The following TCTA variants were observed in gnomAD, a reference collection of about 807,000 sequenced individuals.
The protein encoded by TCTA is T cell leukemia translocation altered.
A neutral mutation model predicts 13.5 loss-of-function variants in TCTA; 13 were observed. That is an observed-to-expected ratio of 0.96 (90% CI 0.63 to 1.53). TCTA has a LOEUF of 1.53. TCTA is among the 40% of genes most tolerant of loss of function. The probability of loss-of-function intolerance (pLI) is 0.00; values close to 1 mark genes in which losing one functional copy is unlikely to be tolerated. For synonymous variants in TCTA, 58 were observed against 59.0 expected, an observed-to-expected ratio of 0.98 and a Z score of 0.08; for missense variants, 138 against 131.3, an observed-to-expected ratio of 1.05 and a Z score of -0.25.
Position 49,416,395 on chromosome 3 carries a change from C to CT in TCTA, c.*1534dup, listed in dbSNP as rs1426596934. On this transcript the variant is annotated 3_prime_UTR_variant, in exon 3 of 3. Transcript: ENST00000273590. ...TTATTCACAGCCCCTGGCCCACCCA[C>CT]TAATACTACTGCACAGAGTCAGGAT... is the stretch of plus-strand genomic sequence containing the variant. 1 of 238,586 alleles carries CT rather than the reference C, an allele frequency of 4.2e-6. No homozygotes were observed. Among genetic ancestry groups the CT allele is most frequent in the African/African-American group, 2.2e-5 (1 of 44,884 alleles). 14.8% of individuals were successfully genotyped at this position (238,586 alleles called of 1,614,324 possible).
At chr3:49,413,153 C>G (rs1393573742) in intron 2 of TCTA, 43 bp downstream of exon 2, 1 of 1,608,096 alleles carries the variant, frequency 6.2e-7, no homozygotes, top group African/African-American at 1.3e-5. Context: ...CTTGGCATTC[C>G]AAGGACACTC....
Position 49,413,390 on chromosome 3 carries a change from A to G in TCTA, c.269+280A>G, listed in dbSNP as rs546141917. The G allele has an allele frequency of 4.1e-5, 19 of 465,176 alleles. 1 individual carries two copies. In the South Asian group the frequency reaches 4.7e-4, roughly 11 times the overall value. 28.8% of individuals were successfully genotyped at this position (465,176 alleles called of 1,614,324 possible). Reference sequence around the variant, plus strand: ...GGTTTGTTGGATTCCACTCTGCACAATCCCCTCAGTTGGGAAGGCAGTAAT... The same window carrying G: ...GGTTTGTTGGATTCCACTCTGCACAGTCCCCTCAGTTGGGAAGGCAGTAAT... On this transcript the variant is annotated intron_variant, in intron 2 of 2. Coordinates refer to ENST00000273590, the MANE Select transcript of TCTA (RefSeq NM_022171.3).
chr3:49,414,577 A>T (rs944359254), intron 2 of TCTA, among the ~76,000 whole-genome samples: 2 of 152,156 alleles, frequency 1.3e-5, no homozygotes, highest in East Asian at 3.8e-4. Context: ...TAAAAAGAAT[A>T]AAAAAACTAG....
chr3:49,412,722 C>G, intron 1 of TCTA, 82 bp downstream of exon 1: 1 of 1,475,382 alleles, frequency 6.8e-7, no homozygotes, highest in Non-Finnish European at 9.3e-7. Flanking sequence ...TCCCCACTAT[C>G]CTGCAAGAGG....
intron 2 of TCTA, 82 bp downstream of exon 2, chr3:49,413,192 CA>C (rs2048971793): frequency 1.3e-6 from 2 of 1,527,572 alleles, no homozygotes; most frequent in Admixed American, 1.7e-5. Context: ...GGGGAGTTCT[CA>C]GGCTTTAAGC....
chr3:49,412,947 C>G, intron 1 of TCTA, 109 bp from the exon 2 acceptor site: 2 of 1,140,640 alleles, frequency 1.8e-6, no homozygotes, highest in Non-Finnish European at 2.6e-6. Flanking sequence ...TTAGGACCCT[C>G]ACCAGACTTC....
At position 49,416,399 on chromosome 3, in the gene TCTA, TA is replaced by T; in HGVS notation, c.*1538del. On this transcript the variant is annotated 3_prime_UTR_variant, in exon 3 of 3. Coordinates refer to ENST00000273590, the MANE Select transcript of TCTA (RefSeq NM_022171.3). The stretch of plus-strand genomic sequence containing the variant: ...TCACAGCCCCTGGCCCACCCACTAA[TA>T]CTACTGCACAGAGTCAGGATCTCAC... The T allele has an allele frequency of 4.2e-6, 1 of 240,870 alleles. No homozygotes were observed. Among genetic ancestry groups the T allele is most frequent in the Non-Finnish European group, 8.4e-6 (1 of 119,080 alleles). 14.9% of individuals were successfully genotyped at this position (240,870 alleles called of 1,614,324 possible). A position where few individuals can be genotyped will look rare whatever the true frequency, so the allele number is the denominator to read the frequency against.
Position 49,416,200 on chromosome 3 carries a change from C to T in TCTA, c.*1338C>T, listed in dbSNP as rs1208524428. The T allele has an allele frequency of 5.7e-5, 9 of 158,920 alleles. No individual in the cohort carries two copies. Among genetic ancestry groups the T allele is most frequent in the Non-Finnish European group, 1.1e-4 (8 of 71,624 alleles). The allele number at this position is 158,920 out of a possible 1,614,324, so 9.8% of individuals were successfully genotyped here. A position where few individuals can be genotyped will look rare whatever the true frequency, so the allele number is the denominator to read the frequency against. ...GAAAGCACTGTAGCCCTGGACCTGC[C>T]TCCTTCCCTCGGGGCCATACTTCTG... is the stretch of plus-strand genomic sequence containing the variant. On this transcript the variant is annotated 3_prime_UTR_variant, in exon 3 of 3. Coordinates refer to ENST00000273590, the MANE Select transcript of TCTA (RefSeq NM_022171.3).
Position 49,412,452 on chromosome 3 carries a change from C to G in TCTA, c.26C>G (p.Ala9Gly). The G allele has an allele frequency of 1.2e-6, 2 of 1,612,142 alleles. No homozygotes were observed. Among genetic ancestry groups the G allele is most frequent in the Non-Finnish European group, 1.7e-6 (2 of 1,179,812 alleles). Residue 9 changes from alanine (A) to glycine (G), a missense_variant, in exon 1 of 3, where the codon GCC becomes GGC. Transcript: ENST00000273590. ...ATGGCGGAGTCCTGGTCTGGGCAGGCCTTGCAGGCTCTGCCGGCCACGGTG... is the reference window on the plus strand; with the variant it reads ...ATGGCGGAGTCCTGGTCTGGGCAGGGCTTGCAGGCTCTGCCGGCCACGGTG... MAESWSGQ[A>G]LQALPATVLG... is the part of the protein sequence containing the mutation.
chr3:49,412,793 G>T, intron 1 of TCTA, 153 bp downstream of exon 1: 1 of 948,776 alleles, frequency 1.1e-6, no homozygotes, highest in Non-Finnish European at 1.6e-6. Flanking sequence ...GACCTCGGAA[G>T]CTAAGCCAGG....
At chr3:49,413,229 A>C (rs1168976436) in intron 2 of TCTA, 119 bp downstream of exon 2, 5 of 1,139,692 alleles carry the variant, frequency 4.4e-6, no homozygotes, top group Non-Finnish European at 6.5e-6. Flanking sequence ...CCTTTGCAGC[A>C]AGCTTCAAGT....
chr3:49,414,707 T>C, intron 2 of TCTA, 113 bp from the exon 3 acceptor site: 1 of 1,307,930 alleles, frequency 7.6e-7, no homozygotes, highest in Middle Eastern at 1.8e-4. Context: ...GATTGTTATG[T>C]GACCTTACTG....
At chr3:49,413,263 A>G (rs914477407) in intron 2 of TCTA, 153 bp downstream of exon 2, 6 of 777,358 alleles carry the variant, frequency 7.7e-6, no homozygotes, top group Middle Eastern at 2.5e-4. Flanking sequence ...TCAGGCTTCA[A>G]GTTAGGGTGA....
At position 49,412,614 on chromosome 3, in the gene TCTA, C is replaced by T. The variant is rs1442866204; in HGVS notation, c.188C>T (p.Thr63Ile). 6.2e-7 allele frequency: 1 copy of T among 1,614,206 alleles called. No individual in the cohort carries two copies. The highest frequency in any genetic ancestry group is 2.2e-5 in the East Asian group (1 of 44,890). ...CTGGCGTGGGGGTTCTACGGGAATA[C>T]AGTGACCGGGTTGTATCACCGTCCA... ...IQLAWGFYGN[T>I]VTGLYHRPGL... Residue 63 changes from threonine to isoleucine, a missense_variant, in exon 1 of 3, where the codon ACA becomes ATA. Physicochemically the swap from Thr to Ile is moderately conservative, Grantham distance 89 (BLOSUM62 -1). Transcript: ENST00000273590.
chr3:49,412,802 G>C lies in TCTA; in HGVS notation c.214+162G>C, dbSNP rs569051994. Reference sequence around the variant, plus strand: ...GCATCTGACCTCGGAAGCTAAGCCAGGTACTTGGATGGGAGAACTTAACGT... The same window carrying C: ...GCATCTGACCTCGGAAGCTAAGCCACGTACTTGGATGGGAGAACTTAACGT... On this transcript the variant is annotated intron_variant, in intron 1 of 2. Transcript: ENST00000273590. 62 of 909,624 alleles carry C rather than the reference G, an allele frequency of 6.8e-5. No homozygotes were observed. The African/African-American group carries it at 9.2e-4, about 13-fold the overall frequency. 56.3% of individuals were successfully genotyped at this position (909,624 alleles called of 1,614,324 possible). A position where few individuals can be genotyped will look rare whatever the true frequency, so the allele number is the denominator to read the frequency against.
intron 1 of TCTA, 200 bp downstream of exon 1, chr3:49,412,840 C>T: frequency 2.7e-6 from 2 of 745,900 alleles, no homozygotes; most frequent in South Asian, 1.8e-5. Flanking sequence ...TGCCCTGACT[C>T]ATGCCACCAT....
chr3:49,415,613 C>G lies in TCTA; in HGVS notation c.*751C>G, dbSNP rs1226729315. 1.3e-5 allele frequency: 2 copies of G among 152,302 alleles called. No individual in the cohort carries two copies. Among genetic ancestry groups the G allele is most frequent in the African/African-American group, 4.8e-5 (2 of 41,450 alleles). 9.4% of individuals were successfully genotyped at this position (152,302 alleles called of 1,614,324 possible). A position where few individuals can be genotyped will look rare whatever the true frequency, so the allele number is the denominator to read the frequency against. On this transcript the variant is annotated 3_prime_UTR_variant, in exon 3 of 3. Coordinates refer to ENST00000273590, the MANE Select transcript of TCTA (RefSeq NM_022171.3). ...CTCCTAGGCCCTGAGTTTTCTGAAT[C>G]TCTGGTTTTGCTTTGTTGGCAAGGA...
rs1405116682 is a variant in TCTA at position 49,413,036 on chromosome 3, G to A, written c.215-20G>A. ...TCCCACCCCAGCCTTCTGCAGCTCT[G>A]GATGTGTTTCTGCCTCCAGGTCTGG... On this transcript the variant is annotated intron_variant, in intron 1 of 2. Coordinates refer to ENST00000273590, the MANE Select transcript of TCTA (RefSeq NM_022171.3). The A allele has an allele frequency of 1.2e-6, 2 of 1,613,672 alleles. No homozygotes were observed. Among genetic ancestry groups the A allele is most frequent in the East Asian group, 2.2e-5 (1 of 44,892 alleles).
intron 1 of TCTA, 58 bp from the exon 2 acceptor site, chr3:49,412,998 T>C: frequency 6.3e-7 from 1 of 1,578,452 alleles, no homozygotes; most frequent in Non-Finnish European, 8.7e-7. Context: ...CCTGGGCTGA[T>C]GCCTGCTCAG....
Sources: allele counts gnomAD v4.1 joint callset (sites outside exome capture counted in the v4.1 genomes callset), GRCh38; gene constraint gnomAD v4.1.1; transcripts MANE v1.5; gene names NCBI Gene and HGNC (gene_info 2026-07-23, HGNC 2026-07-21).